The following HPGDS variants were observed in gnomAD, a reference collection of about 807,000 sequenced individuals.
The protein encoded by HPGDS is GST class-sigma.
HPGDS carries 26 observed loss-of-function variants against 23.1 expected under a neutral mutation model. The observed-to-expected ratio is 1.13, with a 90% confidence interval of 0.83 to 1.56. The LOEUF (loss-of-function observed/expected upper bound fraction) is 1.56. Ranked by LOEUF, HPGDS falls within the 40% of genes most tolerant of loss-of-function variation. The pLI, the probability that HPGDS is intolerant of heterozygous loss-of-function variation, is 0.00. For synonymous variants in HPGDS, 95 were observed against 77.9 expected (o/e 1.22, Z -1.16); for missense variants, 268 against 236.4 (o/e 1.13, Z -0.88).
chr4:94,323,505 A>G (rs997426108), intron 2 of HPGDS, among the ~76,000 whole-genome samples: 1 of 151,988 alleles, frequency 6.6e-6, no homozygotes, highest in African/African-American at 2.4e-5. Context: ...TGATCCCTTT[A>G]CCATTATGTA....
At position 94,342,803 on chromosome 4, in the gene HPGDS, T is replaced by G. The variant is rs1298066546; in HGVS notation, c.-18A>C. 1 of 152,204 alleles carries G rather than the reference T, an allele frequency of 6.6e-6. No homozygotes were observed. The highest frequency in any genetic ancestry group is 6.5e-5 in the Admixed American group (1 of 15,286). The allele number at this position is 152,204 out of a possible 1,614,324, so 9.4% of individuals were successfully genotyped here. ...TCAGTAATATGACTTACCTGTGTTA[T>G]GTCTCTCGGGAGTCTGCAGTGTCTT... is the stretch of plus-strand genomic sequence containing the variant. On this transcript the variant is annotated 5_prime_UTR_variant, in exon 1 of 6. Transcript: ENST00000295256.
At chr4:94,311,513 T>C (rs1314978563) in intron 3 of HPGDS, among the ~76,000 whole-genome samples, 3 of 151,318 alleles carry the variant, frequency 2.0e-5, no homozygotes, top group African/African-American at 7.4e-5. Flanking sequence ...GGATAAGGTT[T>C]TTGATGTGTT....
rs1721123552 is a variant in HPGDS, at chr4:94,340,309, CTCTTTTT to C, written c.-10+2479_-10+2485del. ...TCTTTCTTTCTTTCTTTCTTTCTTT[CTCTTTTT>C]TTTTTTTTTTTTTTTTTTTTTTTTT... On this transcript the variant is annotated intron_variant, in intron 1 of 5. Coordinates refer to ENST00000295256, the MANE Select transcript of HPGDS (RefSeq NM_014485.3). Among the ~76,000 whole-genome samples the C allele has an allele frequency of 6.6e-4, 19 of 28,750 alleles. 1 individual carries two copies. Among genetic ancestry groups the C allele is most frequent in the East Asian group, 3.5e-3 (3 of 858 alleles). The allele number at this position is 28,750 out of a possible 152,430, so 18.9% of individuals were successfully genotyped here.
chr4:94,304,544 T>C (rs1012097437), intron 4 of HPGDS, among the ~76,000 whole-genome samples: 1 of 152,102 alleles, frequency 6.6e-6, no homozygotes, highest in Admixed American at 6.6e-5. Flanking sequence ...ATTCTGCCTT[T>C]GAAATTTTCA....
intron 3 of HPGDS, among the ~76,000 whole-genome samples, chr4:94,311,429 C>T (rs552053822): frequency 6.6e-6 from 1 of 151,220 alleles, no homozygotes; most frequent in Non-Finnish European, 1.5e-5. Flanking sequence ...TGTTTATATG[C>T]TGGATTACGT....
At chr4:94,320,532 ATG>A (rs1756482059) in intron 2 of HPGDS, among the ~76,000 whole-genome samples, 1 of 152,092 alleles carries the variant, frequency 6.6e-6, no homozygotes, top group South Asian at 2.1e-4. Context: ...GCATTTTTTC[ATG>A]TGTCTGTTGA....
At chr4:94,306,097 G>A (rs956380990) in intron 4 of HPGDS, among the ~76,000 whole-genome samples, 46 of 152,114 alleles carry the variant, frequency 3.0e-4, no homozygotes, top group African/African-American at 1.1e-3. Context: ...TTCAACAAGT[G>A]TGTAATGCCT....
rs869240610 is a variant in HPGDS, at chr4:94,340,311, C to CTTTTTT, written c.-10+2478_-10+2483dup. Reference sequence around the variant, plus strand: ...TTTCTTTCTTTCTTTCTTTCTTTCTCTTTTTTTTTTTTTTTTTTTTTTTTT... The same window carrying CTTTTTT: ...TTTCTTTCTTTCTTTCTTTCTTTCTCTTTTTTTTTTTTTTTTTTTTTTTTTTTTTTT... On this transcript the variant is annotated intron_variant, in intron 1 of 5. Transcript: ENST00000295256. 2.1e-4 allele frequency among the ~76,000 whole-genome samples: 5 copies of CTTTTTT among 23,678 alleles called. 1 individual carries two copies. Among genetic ancestry groups the CTTTTTT allele is most frequent in the East Asian group, 1.4e-3 (1 of 732 alleles). The allele number at this position is 23,678 out of a possible 152,430, so 15.5% of individuals were successfully genotyped here.
intron 1 of HPGDS, among the ~76,000 whole-genome samples, chr4:94,337,776 G>T (rs1721054659): frequency 6.6e-6 from 1 of 152,162 alleles, no homozygotes; most frequent in South Asian, 2.1e-4. Flanking sequence ...GTTGAATTCT[G>T]CATGAAAACA....
At chr4:94,337,347 T>C (rs893199752) in intron 1 of HPGDS, among the ~76,000 whole-genome samples, 1 of 152,156 alleles carries the variant, frequency 6.6e-6, no homozygotes, top group Non-Finnish European at 1.5e-5. Context: ...TTCCACAGCA[T>C]GAAGAAATTA....
chr4:94,333,402 C>G (rs1407208063), intron 2 of HPGDS, among the ~76,000 whole-genome samples: 1 of 152,192 alleles, frequency 6.6e-6, no homozygotes, highest in African/African-American at 2.4e-5. Context: ...CACACTTTCT[C>G]TGAGCTACAA....
At chr4:94,321,447 G>T (rs1277220381) in intron 2 of HPGDS, among the ~76,000 whole-genome samples, 2 of 152,084 alleles carry the variant, frequency 1.3e-5, no homozygotes, top group African/African-American at 2.4e-5. Flanking sequence ...GTTGAGCAGT[G>T]GTTTGTAGTT....
At chr4:94,317,295 A>G (rs1188031235) in intron 3 of HPGDS, among the ~76,000 whole-genome samples, 5 of 152,168 alleles carry the variant, frequency 3.3e-5, no homozygotes, top group Non-Finnish European at 7.4e-5. Context: ...AGGATGGGAG[A>G]AAGTGTGTCA....
chr4:94,340,278 TTTC>T, intron 1 of HPGDS, among the ~76,000 whole-genome samples: 1 of 61,614 alleles, frequency 1.6e-5, no homozygotes, highest in African/African-American at 5.2e-5. Flanking sequence ...TCTTTCTTTC[TTTC>T]TTTCTTTCTT....
In HPGDS at chr4:94,341,287, T is replaced by A. The variant is rs1487620755; in HGVS notation, c.-10+1508A>T. ...TCATTGAAAAAATTACAAACTTTTA[T>A]AATAAAACAATTTAACAATATATTA... On this transcript the variant is annotated intron_variant, in intron 1 of 5. Transcript: ENST00000295256. Among the ~76,000 whole-genome samples the A allele has an allele frequency of 2.0e-5, 3 of 152,176 alleles. No homozygotes were observed. In the East Asian group the frequency reaches 5.8e-4, roughly 29 times the overall value.
At chr4:94,319,186 C>A (rs537938127) in intron 2 of HPGDS, among the ~76,000 whole-genome samples, 1 of 152,278 alleles carries the variant, frequency 6.6e-6, no homozygotes, top group African/African-American at 2.4e-5. Context: ...TCAGTTCTAA[C>A]AATATTTGCT....
At chr4:94,310,420 T>G (rs1276423023) in intron 3 of HPGDS, among the ~76,000 whole-genome samples, 1 of 152,232 alleles carries the variant, frequency 6.6e-6, no homozygotes, top group Non-Finnish European at 1.5e-5. Context: ...TTGTCAGGTT[T>G]GTCAAAGATC....
intron 1 of HPGDS, among the ~76,000 whole-genome samples, chr4:94,338,952 A>G (rs536941463): frequency 6.6e-6 from 1 of 152,344 alleles, no homozygotes; most frequent in South Asian, 2.1e-4. Flanking sequence ...GACCTGATGT[A>G]CCAGATAGCA....
rs1039315682 is a variant in HPGDS, at chr4:94,334,445, C to G, written c.133+52G>C. The G allele has an allele frequency of 2.8e-6, 4 of 1,431,830 alleles. No homozygotes were observed. In the East Asian group the frequency reaches 9.9e-5, roughly 36 times the overall value. The allele number at this position is 1,431,830 out of a possible 1,614,324, so 88.7% of individuals were successfully genotyped here. A position where few individuals can be genotyped will look rare whatever the true frequency, so the allele number is the denominator to read the frequency against. On this transcript the variant is annotated intron_variant, in intron 2 of 5. Transcript: ENST00000295256. ...TTTTTTTCATTTCCCTGAGGAAAAA[C>G]AAAAGGTTCTGAAAGCATATTTTTC...
Sources: allele counts gnomAD v4.1 joint callset (sites outside exome capture counted in the v4.1 genomes callset), GRCh38; gene constraint gnomAD v4.1.1; transcripts MANE v1.5; gene names NCBI Gene and HGNC (gene_info 2026-07-23, HGNC 2026-07-21).